Variants in RPH3AL observed in about 807,000 individuals in gnomAD.
RPH3AL encodes the protein rabphilin 3A like (without C2 domains).
RPH3AL carries 38 observed loss-of-function variants against 43.1 expected under a neutral mutation model. That is an observed-to-expected ratio of 0.88 (90% CI 0.68 to 1.15). RPH3AL has a LOEUF of 1.15. Among genes scored for constraint, RPH3AL ranks in the 50% most tolerant of loss-of-function variants. RPH3AL has a pLI of 0.00. For missense variants in RPH3AL, 462 were observed against 423.2 expected (o/e 1.09, Z -0.81); for synonymous variants, 189 against 176.3 (o/e 1.07, Z -0.57).
intron 7 of RPH3AL, among the ~76,000 whole-genome samples, chr17:240,726 A>C (rs2041508753): frequency 6.6e-6 from 1 of 152,180 alleles, no homozygotes; most frequent in African/African-American, 2.4e-5. Flanking sequence ...CTTTTTGGTT[A>C]TAATACTTCT....
intron 9 of RPH3AL, among the ~76,000 whole-genome samples, chr17:214,277 C>T (rs956616394): frequency 6.6e-5 from 10 of 152,156 alleles, no homozygotes; most frequent in Admixed American, 2.0e-4. Flanking sequence ...CTGCACTGGG[C>T]CACACAGCTT....
rs1324753049 is a variant in RPH3AL, at chr17:323,175, A to G, written c.78-1760T>C. ...GAAGGAGGGAGGCGGGTTCAGGCAG[A>G]GGAGATCACACACGAAAGGCAGGGG... On this transcript the variant is annotated intron_variant, in intron 3 of 9. Transcript: ENST00000331302. The surrounding 1 kb of genome is among the most constrained non-coding windows in gnomAD (Gnocchi z 4.4). 6.6e-6 allele frequency among the ~76,000 whole-genome samples: 1 copy of G among 151,936 alleles called. No homozygotes were observed.
At chr17:331,437 A>G in intron 2 of RPH3AL, 2 of 570,564 alleles carry the variant, frequency 3.5e-6, no homozygotes, top group Non-Finnish European at 5.3e-6. Flanking sequence ...AAGGTCGGAC[A>G]TGAGGACCCA....
In RPH3AL at chr17:323,336, C is replaced by T. The variant is rs535778865; in HGVS notation, c.78-1921G>A. The stretch of plus-strand genomic sequence containing the variant: ...TCACGGTGCTGGGGAAGGAAAATAC[C>T]GGGGCAGCAGGGCAGGGCTGGAAGG... On this transcript the variant is annotated intron_variant, in intron 3 of 9. Coordinates refer to ENST00000331302, the MANE Select transcript of RPH3AL (RefSeq NM_006987.4). The surrounding 1 kb of genome is among the most constrained non-coding windows in gnomAD (Gnocchi z 4.4). Among the ~76,000 whole-genome samples, 4 of 152,128 alleles carry T rather than the reference C, an allele frequency of 2.6e-5. No individual in the cohort carries two copies. Among genetic ancestry groups the T allele is most frequent in the East Asian group, 3.9e-4 (2 of 5,168 alleles).
chr17:272,086 G>C (rs765736388), intron 6 of RPH3AL, among the ~76,000 whole-genome samples: 4 of 152,156 alleles, frequency 2.6e-5, no homozygotes, highest in East Asian at 1.9e-4. Context: ...GAATGGCGAT[G>C]ATTAAAAAGT....
Position 345,936 on chromosome 17 carries a change from G to A in RPH3AL, c.-213+6776C>T, listed in dbSNP as rs371327738. Among the ~76,000 whole-genome samples, 7 of 135,256 alleles carry A rather than the reference G, an allele frequency of 5.2e-5. 1 individual carries two copies. In the East Asian group the frequency reaches 1.7e-3, roughly 32 times the overall value. The allele number at this position is 135,256 out of a possible 152,430, so 88.7% of individuals were successfully genotyped here. A position where few individuals can be genotyped will look rare whatever the true frequency, so the allele number is the denominator to read the frequency against. Reference sequence around the variant, plus strand: ...GGGATGCCAGTGGGCTCTGAGTCTCGAAGACCAGGACATAAGGGAAACACA... The same window carrying A: ...GGGATGCCAGTGGGCTCTGAGTCTCAAAGACCAGGACATAAGGGAAACACA... On this transcript the variant is annotated intron_variant, in intron 1 of 9. Coordinates refer to ENST00000331302, the MANE Select transcript of RPH3AL (RefSeq NM_006987.4).
intron 5 of RPH3AL, among the ~76,000 whole-genome samples, chr17:298,609 G>A (rs975978777): frequency 6.6e-6 from 1 of 152,056 alleles, no homozygotes; most frequent in Non-Finnish European, 1.5e-5. Context: ...GGAGGCTGAG[G>A]CAGGAGAATC....
At chr17:266,272 C>T (rs1424091407) in intron 6 of RPH3AL, among the ~76,000 whole-genome samples, 1 of 151,722 alleles carries the variant, frequency 6.6e-6, no homozygotes, top group Non-Finnish European at 1.5e-5. Flanking sequence ...GAGAAAGCCC[C>T]CATCATCCCT....
chr17:276,673 G>A (rs1457470820), intron 6 of RPH3AL, among the ~76,000 whole-genome samples: 5 of 152,224 alleles, frequency 3.3e-5, no homozygotes, highest in African/African-American at 1.2e-4. Context: ...GATTACAGGT[G>A]TGAGCCACTG....
chr17:335,053 G>A (rs566601382), intron 1 of RPH3AL, among the ~76,000 whole-genome samples: 24 of 152,328 alleles, frequency 1.6e-4, no homozygotes, highest in Admixed American at 7.8e-4. Context: ...GAACGAGCGC[G>A]CTTTCATCCA....
At chr17:327,703 G>C (rs1431744153) in intron 2 of RPH3AL, 124 bp from the exon 3 acceptor site, 1 of 615,300 alleles carries the variant, frequency 1.6e-6, no homozygotes, top group South Asian at 1.9e-5. Flanking sequence ...CTGATGCCTG[G>C]AATCTCACTG....
intron 5 of RPH3AL, among the ~76,000 whole-genome samples, chr17:311,306 G>A (rs966158812): frequency 1.3e-5 from 2 of 152,112 alleles, no homozygotes; most frequent in East Asian, 1.9e-4. Context: ...TTCAGCACAC[G>A]CCTCTGTGCT....
At chr17:325,187 A>G (rs972099584) in intron 3 of RPH3AL, among the ~76,000 whole-genome samples, 14 of 152,124 alleles carry the variant, frequency 9.2e-5, no homozygotes, top group African/African-American at 3.4e-4. Flanking sequence ...TTCTTTACAC[A>G]TGACCTTCAC....
At chr17:263,309 A>G (rs1447992250) in intron 6 of RPH3AL, among the ~76,000 whole-genome samples, 1 of 152,190 alleles carries the variant, frequency 6.6e-6, no homozygotes, top group Non-Finnish European at 1.5e-5. Context: ...AAGTAATAAC[A>G]CAACGATCAA....
intron 9 of RPH3AL, among the ~76,000 whole-genome samples, chr17:214,310 A>G (rs969476672): frequency 1.3e-5 from 2 of 152,116 alleles, no homozygotes; most frequent in African/African-American, 4.8e-5. Flanking sequence ...CTGGACATTT[A>G]CTGAGGACCT....
In RPH3AL at chr17:323,853, C is replaced by T. The variant is rs72477021; in HGVS notation, c.78-2438G>A. Among the ~76,000 whole-genome samples, 10,059 of 150,454 alleles carry T rather than the reference C, an allele frequency of 0.067. 425 individuals carry two copies. The highest frequency in any genetic ancestry group is 0.12 in the Middle Eastern group (33 of 286). On this transcript the variant is annotated intron_variant, in intron 3 of 9. Transcript: ENST00000331302. The surrounding 1 kb of genome is among the most constrained non-coding windows in gnomAD (Gnocchi z 4.4). ...ACAGTCCAGACCCTCAGTCACCTTGCGAGGCAGGCCTGGACCCTCAGTCAC... is the reference window on the plus strand; with the variant it reads ...ACAGTCCAGACCCTCAGTCACCTTGTGAGGCAGGCCTGGACCCTCAGTCAC...
chr17:335,157 C>T (rs893552890), intron 1 of RPH3AL, among the ~76,000 whole-genome samples: 1 of 152,166 alleles, frequency 6.6e-6, no homozygotes, highest in Non-Finnish European at 1.5e-5. Context: ...CCCAAGAGCA[C>T]AGCCACACTG....
intron 1 of RPH3AL, among the ~76,000 whole-genome samples, chr17:335,566 G>A (rs536228882): frequency 1.3e-5 from 2 of 152,276 alleles, no homozygotes; most frequent in South Asian, 4.1e-4. Flanking sequence ...AGGTATGCTT[G>A]TCATGCAGTG....
chr17:282,703 T>C (rs2042810635), intron 5 of RPH3AL, among the ~76,000 whole-genome samples: 2 of 152,182 alleles, frequency 1.3e-5, no homozygotes, highest in African/African-American at 4.8e-5. Flanking sequence ...AAACAGCACA[T>C]AGAGCACACT....
Sources: allele counts gnomAD v4.1 joint callset (sites outside exome capture counted in the v4.1 genomes callset), GRCh38; gene constraint gnomAD v4.1.1; non-coding constraint Gnocchi (gnomAD v3.1); transcripts MANE v1.5; gene names NCBI Gene and HGNC (gene_info 2026-07-23, HGNC 2026-07-21).